AK4: variants seen among roughly 807,000 people sequenced by gnomAD.
The protein encoded by AK4 is adenylate kinase 4, also known as adenylate kinase 4, mitochondrial.
A neutral mutation model predicts 24.6 loss-of-function variants in AK4; 13 were observed. The ratio of observed to expected loss-of-function variants is 0.53; its 90% CI spans 0.34 to 0.84. The LOEUF (loss-of-function observed/expected upper bound fraction) is 0.84, where lower values mean the gene tolerates loss of function less well. Ranked by LOEUF, AK4 falls within the 40% of genes least tolerant of loss-of-function variation. The probability of loss-of-function intolerance (pLI) is 0.01; values close to 1 mark genes in which losing one functional copy is unlikely to be tolerated. For missense variants in AK4, 192 were observed against 288.2 expected (o/e 0.67, Z 2.42); for synonymous variants, 88 against 107.0 (o/e 0.82, Z 1.10).
chr1:65,194,867 G>A (rs924520851), intron 2 of AK4, among the ~76,000 whole-genome samples: 24 of 152,104 alleles, frequency 1.6e-4, no homozygotes, highest in Admixed American at 7.2e-4. Context: ...GCAATCTAGG[G>A]TGTTACTAGC....
At chr1:65,188,784 T>C (rs770604945) in intron 1 of AK4, among the ~76,000 whole-genome samples, 2 of 149,058 alleles carry the variant, frequency 1.3e-5, no homozygotes, top group South Asian at 2.2e-4. Context: ...GACCTACTTA[T>C]ATATTTTTTT....
chr1:65,205,102 A>G (rs1651776220), intron 2 of AK4, among the ~76,000 whole-genome samples: 1 of 152,114 alleles, frequency 6.6e-6, no homozygotes, highest in South Asian at 2.1e-4. Context: ...CCCTCCCTGC[A>G]GAAGAGCTCA....
intron 2 of AK4, among the ~76,000 whole-genome samples, chr1:65,196,812 C>T (rs978818258): frequency 1.3e-5 from 2 of 152,232 alleles, no homozygotes; most frequent in East Asian, 3.9e-4. Flanking sequence ...ACCGTTTTCA[C>T]ACTGCTGATA....
intron 2 of AK4, among the ~76,000 whole-genome samples, chr1:65,196,394 C>T (rs1651472003): frequency 6.6e-6 from 1 of 152,010 alleles, no homozygotes; most frequent in South Asian, 2.1e-4. Context: ...GTCAGCTTTG[C>T]TCTTGCTAAA....
chr1:65,152,378 ATATATATTTTTTTTTTTTTTTTTTTTTT>A (rs1649820611), intron 1 of AK4, among the ~76,000 whole-genome samples: 2 of 58,206 alleles, frequency 3.4e-5, no homozygotes, highest in African/African-American at 1.2e-4. Flanking sequence ...ATATATATAT[ATATATATTTTTTTTTTTTTTTTTTTTTT>A]TTTTTTTTTT....
intron 2 of AK4, among the ~76,000 whole-genome samples, chr1:65,198,753 G>GT (rs34101207): frequency 9.1e-4 from 135 of 148,066 alleles, no homozygotes; most frequent in East Asian, 3.1e-3. Context: ...ATGCCTGACA[G>GT]TTTTTTTTTT....
chr1:65,198,055 T>C (rs1479507210), intron 2 of AK4, among the ~76,000 whole-genome samples: 1 of 152,178 alleles, frequency 6.6e-6, no homozygotes, highest in Admixed American at 6.5e-5. Flanking sequence ...TTTCTTCCTG[T>C]GTGTATGTGT....
Position 65,189,677 on chromosome 1 carries a change from A to ACCCC in AK4, c.146-1032_146-1029dup, listed in dbSNP as rs369650731. On this transcript the variant is annotated intron_variant, in intron 1 of 4. Coordinates refer to ENST00000327299, the MANE Select transcript of AK4 (RefSeq NM_013410.4). The stretch of plus-strand genomic sequence containing the variant: ...CGTGCACACACACACACACACACAC[A>ACCCC]CCCCACACATTTAGTTCTTAGAAAT... Among the ~76,000 whole-genome samples the ACCCC allele has an allele frequency of 2.3e-4, 35 of 150,850 alleles. 1 individual carries two copies. Among genetic ancestry groups the ACCCC allele is most frequent in the South Asian group, 2.3e-3 (11 of 4,786 alleles).
intron 2 of AK4, among the ~76,000 whole-genome samples, chr1:65,199,512 G>A (rs116519852): frequency 0.011 from 1,732 of 152,144 alleles, 32 homozygotes; most frequent in African/African-American, 0.039. Context: ...TCGTGCTACT[G>A]TACTTTAGCC....
At chr1:65,189,934 A>C (rs1651237861) in intron 1 of AK4, among the ~76,000 whole-genome samples, 1 of 152,212 alleles carries the variant, frequency 6.6e-6, no homozygotes, top group Non-Finnish European at 1.5e-5. Context: ...GATGAAAAGA[A>C]GTAAAGCTGT....
intron 2 of AK4, among the ~76,000 whole-genome samples, chr1:65,193,122 G>A (rs55856509): frequency 3.3e-3 from 508 of 152,326 alleles, no homozygotes; most frequent in Middle Eastern, 0.01. Context: ...AATGGGGGCT[G>A]TCTGCAGTGG....
intron 1 of AK4, among the ~76,000 whole-genome samples, chr1:65,165,488 T>C (rs972008311): frequency 6.6e-6 from 1 of 151,570 alleles, no homozygotes; most frequent in Non-Finnish European, 1.5e-5. Flanking sequence ...TTCAAGGCTG[T>C]AGTGCATGAT....
rs778664863 is a variant in AK4, at chr1:65,231,685, G to A, written c.*5508G>A. The A allele has an allele frequency of 3.9e-5, 6 of 152,172 alleles. No individual in the cohort carries two copies. Among genetic ancestry groups the A allele is most frequent in the African/African-American group, 7.2e-5 (3 of 41,436 alleles). 9.4% of individuals were successfully genotyped at this position (152,172 alleles called of 1,614,324 possible). A position where few individuals can be genotyped will look rare whatever the true frequency, so the allele number is the denominator to read the frequency against. ...TAAAGGGAAGAAAAATGAAAACTCAGTCTTTATGTAAGCTCCAAGGATATT... is the reference window on the plus strand; with the variant it reads ...TAAAGGGAAGAAAAATGAAAACTCAATCTTTATGTAAGCTCCAAGGATATT... On this transcript the variant is annotated 3_prime_UTR_variant, in exon 5 of 5. Coordinates refer to ENST00000327299, the MANE Select transcript of AK4 (RefSeq NM_013410.4).
In AK4 at chr1:65,224,805, C is replaced by T. The variant is rs750189239; in HGVS notation, c.492C>T (p.Pro164=). ...EPLVQQEDDK[P]EAVAARLRQY... is the part of the protein sequence containing the mutation. Reference sequence around the variant, plus strand: ...TAGTCCAGCAGGAGGATGATAAACCCGAAGCAGTTGCTGCCAGGCTAAGAC... The same window carrying T: ...TAGTCCAGCAGGAGGATGATAAACCTGAAGCAGTTGCTGCCAGGCTAAGAC... Residue 164 remains proline, a synonymous_variant, in exon 4 of 5, where the codon CCC becomes CCT. Transcript: ENST00000327299. The T allele has an allele frequency of 8.7e-6, 14 of 1,613,722 alleles. No individual in the cohort carries two copies. The highest frequency in any genetic ancestry group is 6.7e-5 in the African/African-American group (5 of 74,904).
intron 2 of AK4, among the ~76,000 whole-genome samples, chr1:65,202,198 C>A (rs538038762): frequency 2.0e-5 from 3 of 149,672 alleles, no homozygotes; most frequent in Non-Finnish European, 3.0e-5. Context: ...GAGATTGAGA[C>A]CGTCCTGGCT....
intron 2 of AK4, among the ~76,000 whole-genome samples, chr1:65,207,948 T>C (rs1187560261): frequency 1.3e-5 from 2 of 152,218 alleles, no homozygotes; most frequent in East Asian, 3.8e-4. Context: ...AGTCCATCAT[T>C]GATGGGTATC....
At chr1:65,163,469 G>A (rs867062645) in intron 1 of AK4, among the ~76,000 whole-genome samples, 1 of 152,206 alleles carries the variant, frequency 6.6e-6, no homozygotes, top group Non-Finnish European at 1.5e-5. Flanking sequence ...CTCGGCATTT[G>A]CCTTATTTGA....
At chr1:65,209,182 G>A (rs1345155530) in intron 2 of AK4, among the ~76,000 whole-genome samples, 1 of 152,238 alleles carries the variant, frequency 6.6e-6, no homozygotes, top group Non-Finnish European at 1.5e-5. Context: ...GTGGAAGCAT[G>A]ATAAAGCATG....
rs145243061 is a variant in AK4 at position 65,172,195 on chromosome 1, T to C, written c.146-18515T>C. ...TTTTTAAAACGTAACTTTTGTTTGT[T>C]GACTGATGCCAGACGTTGCTGCCTT... On this transcript the variant is annotated intron_variant, in intron 1 of 4. Transcript: ENST00000327299. Among the ~76,000 whole-genome samples, 19 of 150,512 alleles carry C rather than the reference T, an allele frequency of 1.3e-4. No homozygotes were observed. In the East Asian group the frequency reaches 3.3e-3, roughly 26 times the overall value.
Sources: gnomAD v4.1 joint callset for allele counts (sites outside exome capture counted in the v4.1 genomes callset) on GRCh38, gnomAD v4.1.1 for gene constraint, MANE v1.5 for transcripts, NCBI Gene and HGNC (gene_info 2026-07-23, HGNC 2026-07-21) for gene names.